APOL3: variants seen among roughly 807,000 people sequenced by gnomAD.
APOL3 encodes apolipoprotein L3.
A neutral mutation model predicts 11.6 loss-of-function variants in APOL3; 14 were observed. The observed-to-expected ratio is 1.21, with a 90% CI of 0.80 to 1.89. APOL3 has a LOEUF of 1.89. Among genes scored for constraint, APOL3 ranks in the 40% most tolerant of loss-of-function variants. The pLI, the probability that APOL3 is intolerant of heterozygous loss-of-function variation, is 0.00. For missense variants in APOL3, 483 were observed against 492.1 expected, an observed-to-expected ratio of 0.98 and a Z score of 0.17; for synonymous variants, 192 against 190.6, an observed-to-expected ratio of 1.01 and a Z score of -0.06.
chr22:36,158,812 G>A (rs11705467), intron 1 of APOL3, among the ~76,000 whole-genome samples: 19,148 of 151,954 alleles, frequency 0.13, 1,409 homozygotes, highest in Non-Finnish European at 0.16. Context: ...GCAAGACTCC[G>A]TCAGAAAAAA....
chr22:36,153,535 A>G, intron 1 of APOL3: 1 of 396,580 alleles, frequency 2.5e-6, no homozygotes, highest in South Asian at 1.8e-5. Flanking sequence ...GCACCTTGCC[A>G]CTCAACATAC....
upstream of APOL3, among the ~76,000 whole-genome samples, chr22:36,162,650 C>T (rs1252442154): frequency 1.3e-5 from 2 of 152,196 alleles, no homozygotes; most frequent in Non-Finnish European, 2.9e-5. Context: ...GAGTGTCTAA[C>T]TGTGCTTCAA....
Position 36,149,368 on chromosome 22 carries a change from T to C in APOL3, c.224-3769A>G, listed in dbSNP as rs1014419905. On this transcript the variant is annotated intron_variant, in intron 1 of 2. Transcript: ENST00000349314. Reference sequence around the variant, plus strand: ...CTCTCACACCAAGGCAGGGTCCTTTTGTCCTGTAGGGGTATGAAGAGAAGA... The same window carrying C: ...CTCTCACACCAAGGCAGGGTCCTTTCGTCCTGTAGGGGTATGAAGAGAAGA... 3 of 1,306,302 alleles carry C rather than the reference T, an allele frequency of 2.3e-6. No homozygotes were observed. In the African/African-American group the frequency reaches 4.6e-5, roughly 20 times the overall value. The allele number at this position is 1,306,302 out of a possible 1,614,324, so 80.9% of individuals were successfully genotyped here.
At chr22:36,152,254 G>A (rs1437653497) in intron 1 of APOL3, among the ~76,000 whole-genome samples, 2 of 152,072 alleles carry the variant, frequency 1.3e-5, no homozygotes, top group Non-Finnish European at 2.9e-5. Flanking sequence ...ACAAGAGGGG[G>A]AAAAAACAAA....
Position 36,152,980 on chromosome 22 carries a change from G to A in APOL3, c.224-7381C>T, listed in dbSNP as rs955237248. Among the ~76,000 whole-genome samples the A allele has an allele frequency of 4.6e-5, 7 of 152,226 alleles. 1 individual carries two copies. Among genetic ancestry groups the A allele is most frequent in the African/African-American group, 1.4e-4 (6 of 41,534 alleles). On this transcript the variant is annotated intron_variant, in intron 1 of 2. Transcript: ENST00000349314. ...GAAAAAATTAGCCGGGCATGGTGGT[G>A]CATGCCTGTTATCTCAGCTACTCAG...
At chr22:36,155,095 C>A (rs537625711) in intron 1 of APOL3, among the ~76,000 whole-genome samples, 1 of 152,308 alleles carries the variant, frequency 6.6e-6, no homozygotes, top group East Asian at 1.9e-4. Context: ...ATCTGGCAGC[C>A]CCAGCCTGGA....
At chr22:36,142,904 G>A (rs2060052760) in intron 2 of APOL3, among the ~76,000 whole-genome samples, 1 of 152,216 alleles carries the variant, frequency 6.6e-6, no homozygotes, top group Non-Finnish European at 1.5e-5. Flanking sequence ...GGCAGTTAGG[G>A]AGGGTCCTCC....
exon 3 of APOL3, chr22:36,141,915 T>C: frequency 6.2e-7 from 1 of 1,614,230 alleles, no homozygotes; most frequent in Non-Finnish European, 8.5e-7. Flanking sequence ...TTCTATGGAC[T>C]CCTGGATCTT....
intron 1 of APOL3, among the ~76,000 whole-genome samples, chr22:36,154,231 A>T (rs967798947): frequency 2.8e-4 from 43 of 152,200 alleles, no homozygotes; most frequent in Admixed American, 2.4e-3. Context: ...GCCCTGGCTG[A>T]GGAGGAAGTC....
At chr22:36,157,128 C>T (rs986360804) in intron 1 of APOL3, 8 of 412,332 alleles carry the variant, frequency 1.9e-5, no homozygotes, top group South Asian at 3.4e-5. Context: ...TACTTTTGTA[C>T]GAGGAGAAAG....
At chr22:36,145,377 G>T in intron 2 of APOL3, 96 bp downstream of exon 3, 6 of 1,466,994 alleles carry the variant, frequency 4.1e-6, no homozygotes, top group Non-Finnish European at 5.5e-6. Flanking sequence ...AGAGGGGGCT[G>T]CCTGGAGGAG....
rs780241695 is a variant in APOL3 at position 36,160,668 on chromosome 22, C to A, written c.223+1G>T. The A allele has an allele frequency of 6.2e-7, 1 of 1,614,130 alleles. No homozygotes were observed. Among genetic ancestry groups the A allele is most frequent in the South Asian group, 1.1e-5 (1 of 91,082 alleles). Reference sequence around the variant, plus strand: ...GGAAGGTCAGACCACCCCTAACTTACCAAGGAAGCTTCTCTTGAAAGAGTG... The same window carrying A: ...GGAAGGTCAGACCACCCCTAACTTAACAAGGAAGCTTCTCTTGAAAGAGTG... On this transcript the variant is annotated splice_donor_variant, in intron 1 of 2. Transcript: ENST00000349314. LOFTEE classifies it high-confidence loss of function.
At chr22:36,145,594 T>C in exon 2 of APOL3, 1 of 1,613,614 alleles carries the variant, frequency 6.2e-7, no homozygotes, top group Non-Finnish European at 8.5e-7. Flanking sequence ...GTAAAGCGTT[T>C]CTTTTCTACT....
chr22:36,149,233 G>T, intron 1 of APOL3, 91 bp from the exon 2 acceptor site: 1 of 1,307,222 alleles, frequency 7.6e-7, no homozygotes, highest in Non-Finnish European at 1.0e-6. Flanking sequence ...CAATCCCTTT[G>T]CGTGTCAGCA....
chr22:36,151,330 G>C (rs572234483), intron 1 of APOL3, among the ~76,000 whole-genome samples: 1 of 152,194 alleles, frequency 6.6e-6, no homozygotes, highest in African/African-American at 2.4e-5. Flanking sequence ...AAGATAACAA[G>C]TAAAAAATGA....
chr22:36,144,917 A>G (rs2060129457), intron 2 of APOL3, among the ~76,000 whole-genome samples: 1 of 148,104 alleles, frequency 6.8e-6, no homozygotes, highest in Non-Finnish European at 1.5e-5. Context: ...AGGCTGGGGC[A>G]GGAGAATGGC....
intron 1 of APOL3, among the ~76,000 whole-genome samples, chr22:36,151,690 C>G (rs1286979637): frequency 6.6e-6 from 1 of 152,208 alleles, no homozygotes; most frequent in Admixed American, 6.5e-5. Flanking sequence ...CATGGTGGCT[C>G]ATGCCTATAA....
chr22:36,156,945 G>C (rs149323832), intron 1 of APOL3: 131 of 456,306 alleles, frequency 2.9e-4, no homozygotes, highest in Non-Finnish European at 5.4e-4. Context: ...ACATGGCCCA[G>C]CTTCAGTTTC....
chr22:36,165,206 C>T (rs2013827186), upstream of APOL3: 1 of 150,860 alleles, frequency 6.6e-6, no homozygotes, highest in South Asian at 2.1e-4. Flanking sequence ...GGAGGACCTC[C>T]TTAACTCCAT....
Sources: allele counts gnomAD v4.1 joint callset (sites outside exome capture counted in the v4.1 genomes callset), GRCh38; gene constraint gnomAD v4.1.1; transcripts MANE v1.5; gene names NCBI Gene and HGNC (gene_info 2026-07-23, HGNC 2026-07-21).